RORA: variants seen among roughly 807,000 people sequenced by gnomAD.
RORA encodes RAR related orphan receptor A.
Under a neutral mutation model 69.5 loss-of-function variants are expected in RORA, and 7 were observed. The observed-to-expected ratio is 0.10, with a 90% confidence interval of 0.06 to 0.19. The LOEUF (loss-of-function observed/expected upper bound fraction) is 0.19, where lower values mean the gene tolerates loss of function less well. Ranked by LOEUF, RORA falls within the 10% of genes least tolerant of loss-of-function variation. RORA has a pLI of 1.00. For synonymous variants in RORA, 261 were observed against 240.8 expected (o/e 1.08, Z -0.78); for missense variants, 457 against 663.0 (o/e 0.69, Z 3.41).
chr15:60,612,235 ATTT>A (rs1339742200), intron 2 of RORA, among the ~76,000 whole-genome samples: 1 of 152,122 alleles, frequency 6.6e-6, no homozygotes, highest in African/African-American at 2.4e-5. Context: ...CTCAAAAATA[ATTT>A]TTTTCTTTTT....
At chr15:60,567,425 T>C (rs968041199) in intron 2 of RORA, among the ~76,000 whole-genome samples, 3 of 151,366 alleles carry the variant, frequency 2.0e-5, no homozygotes, top group Admixed American at 6.6e-5. Flanking sequence ...TATTTTTTTT[T>C]TTCTGAGACT....
chr15:60,909,997 T>C (rs542162444), intron 1 of RORA, among the ~76,000 whole-genome samples: 3 of 152,310 alleles, frequency 2.0e-5, no homozygotes, highest in Admixed American at 2.0e-4. Context: ...GAAAAATCTA[T>C]ATGTGCCCTT....
chr15:60,625,655 T>A (rs2069556161), intron 2 of RORA, among the ~76,000 whole-genome samples: 1 of 152,228 alleles, frequency 6.6e-6, no homozygotes, highest in Non-Finnish European at 1.5e-5. Context: ...GAAATTGCTA[T>A]GGAATTATCT....
chr15:60,661,846 A>T (rs887424942), intron 2 of RORA, among the ~76,000 whole-genome samples: 1 of 152,216 alleles, frequency 6.6e-6, no homozygotes, highest in Non-Finnish European at 1.5e-5. Context: ...TCCCAGAGGG[A>T]ACAGGGGTAT....
At chr15:60,958,037 A>T (rs1893318196) in intron 1 of RORA, among the ~76,000 whole-genome samples, 1 of 152,168 alleles carries the variant, frequency 6.6e-6, no homozygotes, top group Non-Finnish European at 1.5e-5. Flanking sequence ...CTCCTTTGAA[A>T]TTGTTCGTCT....
chr15:60,930,165 T>C (rs533478780), intron 1 of RORA, among the ~76,000 whole-genome samples: 1 of 152,182 alleles, frequency 6.6e-6, no homozygotes, highest in Non-Finnish European at 1.5e-5. Flanking sequence ...TTTTAGATGG[T>C]AGAGCTCTAG....
intron 1 of RORA, among the ~76,000 whole-genome samples, chr15:61,012,209 G>C (rs1895108556): frequency 6.6e-6 from 1 of 152,202 alleles, no homozygotes; most frequent in African/African-American, 2.4e-5. Flanking sequence ...AGGATTAAAT[G>C]AATTAATTCA....
chr15:60,808,091 A>C (rs753312006), intron 1 of RORA, among the ~76,000 whole-genome samples: 1 of 152,228 alleles, frequency 6.6e-6, no homozygotes, highest in African/African-American at 2.4e-5. Context: ...TAATAAAATT[A>C]AAAAGCTTCT....
chr15:60,535,953 C>G (rs987741900), intron 2 of RORA, among the ~76,000 whole-genome samples: 3 of 152,126 alleles, frequency 2.0e-5, no homozygotes, highest in Non-Finnish European at 4.4e-5. Context: ...AAGACATCCC[C>G]TAAGTAGTTT....
intron 1 of RORA, among the ~76,000 whole-genome samples, chr15:60,692,264 C>T (rs572818295): frequency 1.4e-4 from 22 of 152,274 alleles, no homozygotes; most frequent in African/African-American, 5.3e-4. Context: ...TTTATATTTG[C>T]ATAATCCCAA....
intron 1 of RORA, among the ~76,000 whole-genome samples, chr15:60,734,647 T>C (rs995848053): frequency 1.3e-5 from 2 of 152,172 alleles, no homozygotes; most frequent in African/African-American, 4.8e-5. Flanking sequence ...CGTGGGTACT[T>C]CTCTGTTTTC....
intron 1 of RORA, chr15:60,736,983 C>G (rs540433380): frequency 6.6e-6 from 1 of 152,208 alleles, no homozygotes; most frequent in Non-Finnish European, 1.5e-5. Flanking sequence ...CGCTCCTTAC[C>G]ACTATGTCCT....
intron 1 of RORA, among the ~76,000 whole-genome samples, chr15:60,767,598 A>G (rs1216956551): frequency 6.6e-6 from 1 of 152,174 alleles, no homozygotes; most frequent in African/African-American, 2.4e-5. Context: ...GCCAGATCTC[A>G]CATTGTCTTC....
Position 60,715,090 on chromosome 15 carries a change from G to C in RORA, c.167-36404C>G, listed in dbSNP as rs543180533. On this transcript the variant is annotated intron_variant, in intron 1 of 10. Transcript: ENST00000335670. Reference sequence around the variant, plus strand: ...AGTGCTGGGCCTTGTAAGACTTTCTGATTCTAGCTCTTTTTGTGAGAGAGG... The same window carrying C: ...AGTGCTGGGCCTTGTAAGACTTTCTCATTCTAGCTCTTTTTGTGAGAGAGG... Among the ~76,000 whole-genome samples, 5 of 152,312 alleles carry C rather than the reference G, an allele frequency of 3.3e-5. No homozygotes were observed. In the East Asian group the frequency reaches 7.7e-4, roughly 24 times the overall value.
rs377301602 is a variant in RORA at position 60,737,566 on chromosome 15, C to T, written c.167-58880G>A. 2.0e-5 allele frequency among the ~76,000 whole-genome samples: 3 copies of T among 152,150 alleles called. No individual in the cohort carries two copies. The East Asian group carries it at 5.8e-4, about 29-fold the overall frequency. ...GCTCAGCAATCTGTTTTTAACAAGT[C>T]CTCCAAGTGATTCTGATGCTCACTC... is the stretch of plus-strand genomic sequence containing the variant. On this transcript the variant is annotated intron_variant, in intron 1 of 10. Transcript: ENST00000335670.
At chr15:60,924,297 C>G (rs1892141520) in intron 1 of RORA, among the ~76,000 whole-genome samples, 1 of 123,224 alleles carries the variant, frequency 8.1e-6, no homozygotes, top group South Asian at 2.8e-4. Context: ...TCATTTAAAA[C>G]TAAGCACACA....
intron 1 of RORA, among the ~76,000 whole-genome samples, chr15:60,949,006 T>C (rs909981848): frequency 1.1e-4 from 17 of 152,328 alleles, no homozygotes; most frequent in African/African-American, 3.8e-4. Context: ...AAGTATATTC[T>C]GAGCGGTGGA....
At position 60,962,845 on chromosome 15, in the gene RORA, G is replaced by T. The variant is rs1363342341; in HGVS notation, c.166+266208C>A. On this transcript the variant is annotated intron_variant, in intron 1 of 10. Coordinates refer to ENST00000335670, the MANE Select transcript of RORA (RefSeq NM_134261.3). Reference sequence around the variant, plus strand: ...GAAGAATTGGTAGCAAGAGATAAAGGCCAAGGAAGTCATAGAAAATAGGTG... The same window carrying T: ...GAAGAATTGGTAGCAAGAGATAAAGTCCAAGGAAGTCATAGAAAATAGGTG... 3.3e-5 allele frequency among the ~76,000 whole-genome samples: 5 copies of T among 152,328 alleles called. 1 individual carries two copies. The highest frequency in any genetic ancestry group is 4.1e-4 in the South Asian group (2 of 4,832).
intron 1 of RORA, among the ~76,000 whole-genome samples, chr15:60,743,990 G>A (rs1052659965): frequency 3.3e-5 from 5 of 152,016 alleles, no homozygotes; most frequent in African/African-American, 2.4e-5. Flanking sequence ...ACTCACAGGA[G>A]GGGAAATGCT....
Sources: gnomAD v4.1 joint callset for allele counts (sites outside exome capture counted in the v4.1 genomes callset) on GRCh38, gnomAD v4.1.1 for gene constraint, MANE v1.5 for transcripts, NCBI Gene and HGNC (gene_info 2026-07-23, HGNC 2026-07-21) for gene names.